ZNF385D: variants seen among roughly 807,000 people sequenced by gnomAD.
The protein encoded by ZNF385D is zinc finger protein 659.
ZNF385D carries 15 observed loss-of-function variants against 35.8 expected under a neutral mutation model. That is an observed-to-expected ratio of 0.42 (90% CI 0.28 to 0.64). The LOEUF is 0.64. Among genes scored for constraint, ZNF385D ranks in the 30% least tolerant of loss-of-function variants. ZNF385D has a pLI of 0.23. For synonymous variants in ZNF385D, 212 were observed against 186.8 expected, an observed-to-expected ratio of 1.13 and a Z score of -1.10; for missense variants, 474 against 494.6, an observed-to-expected ratio of 0.96 and a Z score of 0.39.
intron 2 of ZNF385D, among the ~76,000 whole-genome samples, chr3:22,228,506 A>G (rs1698695746): frequency 6.6e-6 from 1 of 152,180 alleles, no homozygotes; most frequent in Non-Finnish European, 1.5e-5. Flanking sequence ...CACTCCCCAT[A>G]ATACCAGGTA....
intron 2 of ZNF385D, among the ~76,000 whole-genome samples, chr3:22,292,018 T>A (rs1019685901): frequency 1.3e-5 from 2 of 152,058 alleles, no homozygotes; most frequent in African/African-American, 2.4e-5. Flanking sequence ...CTCTGTTATC[T>A]CCTGAACATA....
intron 3 of ZNF385D, among the ~76,000 whole-genome samples, chr3:21,912,148 G>A (rs1575896494): frequency 2.6e-5 from 4 of 151,878 alleles, no homozygotes; most frequent in East Asian, 3.9e-4. Context: ...CAAAGCTATC[G>A]TGTTGTGAAC....
At chr3:21,567,773 A>G (rs2125662587) in intron 2 of ZNF385D, among the ~76,000 whole-genome samples, 1 of 152,276 alleles carries the variant, frequency 6.6e-6, no homozygotes, top group East Asian at 1.9e-4. Context: ...TCAAAGAAAG[A>G]TGCTCTCCGA....
At chr3:22,340,715 G>A (rs1204537164) in intron 2 of ZNF385D, among the ~76,000 whole-genome samples, 2 of 152,078 alleles carry the variant, frequency 1.3e-5, no homozygotes, top group Admixed American at 1.3e-4. Flanking sequence ...GTACATGATA[G>A]GACCCACCTT....
intron 3 of ZNF385D, among the ~76,000 whole-genome samples, chr3:22,043,858 G>C (rs913008853): frequency 1.3e-5 from 2 of 152,064 alleles, no homozygotes; most frequent in African/African-American, 4.8e-5. Flanking sequence ...TGCTTGCTTT[G>C]ATAAGGCTGG....
chr3:22,156,242 A>G (rs1277290968), intron 3 of ZNF385D, among the ~76,000 whole-genome samples: 2 of 152,242 alleles, frequency 1.3e-5, no homozygotes, highest in East Asian at 3.9e-4. Context: ...GAAACAAGAA[A>G]AACACATAAA....
chr3:21,898,085 G>A (rs1326843067), intron 3 of ZNF385D, among the ~76,000 whole-genome samples: 1 of 152,068 alleles, frequency 6.6e-6, no homozygotes, highest in African/African-American at 2.4e-5. Flanking sequence ...TGTTAGACTA[G>A]GAAGTATGTG....
At chr3:21,847,945 T>C (rs906993917) in intron 3 of ZNF385D, among the ~76,000 whole-genome samples, 5 of 152,120 alleles carry the variant, frequency 3.3e-5, no homozygotes, top group Admixed American at 6.6e-5. Context: ...ATTTTCATCT[T>C]GTATATCTCA....
intron 3 of ZNF385D, among the ~76,000 whole-genome samples, chr3:22,002,413 G>A (rs1695897589): frequency 6.6e-6 from 1 of 152,020 alleles, no homozygotes; most frequent in African/African-American, 2.4e-5. Flanking sequence ...CTAATAACAA[G>A]AAGCAAGATT....
intron 2 of ZNF385D, among the ~76,000 whole-genome samples, chr3:22,194,516 TTA>T (rs1285041822): frequency 1.3e-5 from 2 of 152,004 alleles, no homozygotes; most frequent in Non-Finnish European, 1.5e-5. Context: ...TCCACTGCTT[TTA>T]GTTTTCAGTT....
At chr3:21,820,877 GA>G (rs957365509) in intron 3 of ZNF385D, among the ~76,000 whole-genome samples, 1 of 145,690 alleles carries the variant, frequency 6.9e-6, no homozygotes, top group Non-Finnish European at 1.5e-5. Context: ...ATCTAAGTGG[GA>G]AAAATACAGT....
intron 2 of ZNF385D, among the ~76,000 whole-genome samples, chr3:22,187,417 T>C (rs1020505041): frequency 1.3e-5 from 2 of 152,058 alleles, no homozygotes; most frequent in African/African-American, 4.8e-5. Flanking sequence ...TTTAGAAAAA[T>C]CAACTTATAA....
In ZNF385D at chr3:21,750,824, T is replaced by A. The variant is rs912012906; in HGVS notation, c.22+71A>T. On this transcript the variant is annotated intron_variant, in intron 1 of 7. Transcript: ENST00000281523. ...ACATATTCTTGCTGCTTAAAGAATT[T>A]TTTAAGGGCTTGTCTGCACGGATGA... 15 of 1,600,612 alleles carry A rather than the reference T, an allele frequency of 9.4e-6. No individual in the cohort carries two copies. The Admixed American group carries it at 1.2e-4, about 13-fold the overall frequency.
At chr3:21,882,780 T>G (rs1286822228) in intron 3 of ZNF385D, among the ~76,000 whole-genome samples, 1 of 152,046 alleles carries the variant, frequency 6.6e-6, no homozygotes, top group Non-Finnish European at 1.5e-5. Flanking sequence ...CATGAGCAGT[T>G]GCAACACAGT....
chr3:21,934,664 C>T (rs547043114), intron 3 of ZNF385D, among the ~76,000 whole-genome samples: 82 of 152,246 alleles, frequency 5.4e-4, no homozygotes, highest in African/African-American at 1.9e-3. Flanking sequence ...GATAATGCAA[C>T]AAGAGGGACT....
At chr3:21,983,655 T>A (rs1407913364) in intron 3 of ZNF385D, among the ~76,000 whole-genome samples, 1 of 108,118 alleles carries the variant, frequency 9.2e-6, no homozygotes, top group Non-Finnish European at 1.9e-5. Context: ...AGCAGCATGA[T>A]TTATAGTCAT....
At chr3:22,342,348 C>G (rs192232758) in intron 2 of ZNF385D, among the ~76,000 whole-genome samples, 1 of 149,932 alleles carries the variant, frequency 6.7e-6, no homozygotes, top group Non-Finnish European at 1.5e-5. Flanking sequence ...ACCAGTTACT[C>G]AGGCTAAAAC....
intron 3 of ZNF385D, among the ~76,000 whole-genome samples, chr3:21,856,242 G>A (rs1161882788): frequency 6.6e-6 from 1 of 151,980 alleles, no homozygotes; most frequent in East Asian, 1.9e-4. Flanking sequence ...CTTCTTTGAT[G>A]GATCTATTTC....
At chr3:21,636,238 T>C (rs1363679721) in intron 2 of ZNF385D, among the ~76,000 whole-genome samples, 2 of 150,634 alleles carry the variant, frequency 1.3e-5, no homozygotes, top group Non-Finnish European at 3.0e-5. Flanking sequence ...TTGATTTTTT[T>C]TTATTATGGA....
Sources: gnomAD v4.1 joint callset for allele counts (sites outside exome capture counted in the v4.1 genomes callset) on GRCh38, gnomAD v4.1.1 for gene constraint, MANE v1.5 for transcripts, NCBI Gene and HGNC (gene_info 2026-07-23, HGNC 2026-07-21) for gene names.